BRCA2: variants seen among roughly 807,000 people sequenced by gnomAD.
BRCA2 encodes the protein breast cancer type 2 susceptibility protein.
Under a neutral mutation model 276.7 loss-of-function variants are expected in BRCA2, and 203 were observed. That is an observed-to-expected ratio of 0.73 (90% CI 0.65 to 0.82). BRCA2 has a LOEUF of 0.82. Among genes scored for constraint, BRCA2 ranks in the 40% least tolerant of loss-of-function variants. The probability of loss-of-function intolerance (pLI) is 0.00; values close to 1 mark genes in which losing one functional copy is unlikely to be tolerated. For missense variants in BRCA2, 3,920 were observed against 3,915.0 expected, an observed-to-expected ratio of 1.00 and a Z score of -0.03; for synonymous variants, 1,289 against 1,338.4, an observed-to-expected ratio of 0.96 and a Z score of 0.81.
At chr13:32,317,776 T>C (rs2138700986) in intron 2 of BRCA2, among the ~76,000 whole-genome samples, 1 of 152,376 alleles carries the variant, frequency 6.6e-6, no homozygotes, top group Middle Eastern at 3.4e-3. Context: ...ACTGTTTTCC[T>C]TGCAGCAACA....
chr13:32,370,534 A>T lies in BRCA2; in HGVS notation c.8464A>T (p.Ile2822Phe), dbSNP rs397507403. 3 of 1,613,740 alleles carry T rather than the reference A, an allele frequency of 1.9e-6. No individual in the cohort carries two copies. The highest frequency in any genetic ancestry group is 2.2e-5 in the South Asian group (2 of 91,078). The change falls in exon 19 of 27, where the codon ATT (isoleucine) becomes TTT (phenylalanine). Residue 2822 changes from isoleucine (I) to phenylalanine (F), a missense_variant. This residue lies in a region of BRCA2 where 657 missense variants were observed against 758.2 expected (regional missense o/e 0.87). Coordinates refer to ENST00000380152, the MANE Select transcript of BRCA2 (RefSeq NM_000059.4). ...AAATGTTGGTTGTGTTGATGTAATTATTCAAAGAGCATACCCTATACAGGT... is the reference window on the plus strand; with the variant it reads ...AAATGTTGGTTGTGTTGATGTAATTTTTCAAAGAGCATACCCTATACAGGT... Reference protein sequence around the residue: ...GGNVGCVDVIIQRAYPIQWME... With the variant: ...GGNVGCVDVIFQRAYPIQWME...
chr13:32,373,702 G>A (rs1345463722), intron 20 of BRCA2, among the ~76,000 whole-genome samples: 1 of 152,150 alleles, frequency 6.6e-6, no homozygotes, highest in East Asian at 1.9e-4. Flanking sequence ...CCCTGCAGCT[G>A]CTTTCATGGG....
chr13:32,346,389 C>T (rs2072611011), intron 12 of BRCA2, among the ~76,000 whole-genome samples: 1 of 151,974 alleles, frequency 6.6e-6, no homozygotes, highest in Admixed American at 6.6e-5. Context: ...AGTAGTTGAT[C>T]ATCTGGCTGT....
chr13:32,374,327 C>A (rs1566250523), intron 20 of BRCA2, among the ~76,000 whole-genome samples: 1 of 152,234 alleles, frequency 6.6e-6, no homozygotes, highest in African/African-American at 2.4e-5. Flanking sequence ...GGCTTGAATT[C>A]TTTCCCGGGA....
chr13:32,377,534 G>A (rs548651834), intron 21 of BRCA2, among the ~76,000 whole-genome samples: 9 of 148,208 alleles, frequency 6.1e-5, no homozygotes, highest in African/African-American at 2.2e-4. Context: ...AGGTTGCAGT[G>A]AGCCAAGGTC....
intron 24 of BRCA2, among the ~76,000 whole-genome samples, chr13:32,392,236 G>A (rs1231775509): frequency 2.0e-5 from 3 of 152,102 alleles, no homozygotes; most frequent in Non-Finnish European, 2.9e-5. Flanking sequence ...TATTTACAAC[G>A]GATACATAAT....
intron 13 of BRCA2, 134 bp from the exon 14 acceptor site, chr13:32,354,727 C>T: frequency 4.3e-6 from 3 of 702,378 alleles, no homozygotes; most frequent in South Asian, 1.7e-5. Context: ...TTTGGAATGG[C>T]AACCATGGTG....
Position 32,339,370 on chromosome 13 carries a change from A to G in BRCA2, c.5015A>G (p.Tyr1672Cys), listed in dbSNP as rs2072518272. 1 of 1,591,640 alleles carries G rather than the reference A, an allele frequency of 6.3e-7. No homozygotes were observed. Among genetic ancestry groups the G allele is most frequent in the East Asian group, 2.2e-5 (1 of 44,636 alleles). Residue 1672 changes from tyrosine to cysteine, a missense_variant, in exon 11 of 27, where the codon TAC becomes TGC. Tyr to Cys is a radical substitution (Grantham distance 194, BLOSUM62 -2). Transcript: ENST00000380152. ...ATTGAAAATTCAGCCTTAGCTTTTT[A>G]CACAAGTTGTAGTAGAAAAACTTCT... ...SVIENSALAF[Y>C]TSCSRKTSVS...
chr13:32,323,915 T>C (rs529102789), intron 3 of BRCA2, among the ~76,000 whole-genome samples: 1 of 152,346 alleles, frequency 6.6e-6, no homozygotes, highest in South Asian at 2.1e-4. Context: ...TTGGATTTCA[T>C]ATTGTTAAAG....
At chr13:32,385,212 C>T (rs373506142) in intron 24 of BRCA2, 5 of 191,078 alleles carry the variant, frequency 2.6e-5, no homozygotes, top group African/African-American at 4.7e-5. Context: ...ATGAAATCAC[C>T]GCCTGTCGCC....
chr13:32,362,841 G>A, intron 17 of BRCA2, 148 bp downstream of exon 17: 1 of 881,514 alleles, frequency 1.1e-6, no homozygotes, highest in Non-Finnish European at 1.8e-6. Flanking sequence ...GTCATCCCTA[G>A]CCCCCATTTA....
At chr13:32,374,858 C>A (rs1027946789) in intron 20 of BRCA2, among the ~76,000 whole-genome samples, 17 of 152,206 alleles carry the variant, frequency 1.1e-4, no homozygotes, top group Non-Finnish European at 2.1e-4. Context: ...TAGCAGTCCC[C>A]CACTCCTGGT....
At chr13:32,388,504 T>C (rs1217853980) in intron 24 of BRCA2, among the ~76,000 whole-genome samples, 1 of 152,172 alleles carries the variant, frequency 6.6e-6, no homozygotes, top group East Asian at 1.9e-4. Context: ...CAGTACAGTA[T>C]GCAATAAATT....
chr13:32,330,782 C>T (rs2072383276), intron 8 of BRCA2, 137 bp from the exon 9 acceptor site: 2 of 617,576 alleles, frequency 3.2e-6, no homozygotes, highest in Admixed American at 5.8e-5. Context: ...CTGGAATTTT[C>T]CATTAAAAAT....
intron 10 of BRCA2, among the ~76,000 whole-genome samples, chr13:32,333,725 C>T (rs1389168684): frequency 6.6e-6 from 1 of 152,094 alleles, no homozygotes; most frequent in African/African-American, 2.4e-5. Context: ...GAGTATTAAG[C>T]CCAGCATGCA....
chr13:32,380,278 T>C lies in BRCA2; in HGVS notation c.9256+133T>C, dbSNP rs188225835. ...ACTAGTGATCTGAAAGTAAGCCTCT[T>C]TGAACCTCTGATTTTTCATGAAAAG... On this transcript the variant is annotated intron_variant, in intron 24 of 26. Coordinates refer to ENST00000380152, the MANE Select transcript of BRCA2 (RefSeq NM_000059.4). The C allele has an allele frequency of 1.9e-3, 1,593 of 836,154 alleles. 1 individual carries two copies. The highest frequency in any genetic ancestry group is 2.6e-3 in the Non-Finnish European group (1,414 of 544,696). 51.8% of individuals were successfully genotyped at this position (836,154 alleles called of 1,614,324 possible). A position where few individuals can be genotyped will look rare whatever the true frequency, so the allele number is the denominator to read the frequency against.
chr13:32,385,013 T>G (rs1164666519), intron 24 of BRCA2: 1 of 365,954 alleles, frequency 2.7e-6, no homozygotes, highest in Non-Finnish European at 5.1e-6. Context: ...CAGACTTACC[T>G]GGACAAGGTA....
At chr13:32,359,624 ATTTTG>A (rs1171295767) in intron 16 of BRCA2, among the ~76,000 whole-genome samples, 2 of 152,130 alleles carry the variant, frequency 1.3e-5, no homozygotes, top group East Asian at 1.9e-4. Context: ...TTTTTCCTGA[ATTTTG>A]TTTTAACTTT....
rs1555283746 is a variant in BRCA2, at chr13:32,338,720, A to G, written c.4365A>G (p.Glu1455=). 4 of 1,597,868 alleles carry G rather than the reference A, an allele frequency of 2.5e-6. No individual in the cohort carries two copies. The East Asian group carries it at 9.0e-5, about 36-fold the overall frequency. Residue 1455 remains glutamate (E), a synonymous_variant, in exon 11 of 27, where the codon GAA becomes GAG. Coordinates refer to ENST00000380152, the MANE Select transcript of BRCA2 (RefSeq NM_000059.4). ...TAAATTTCTTTGATCAGAAACCAGA[A>G]GAATTGCATAACTTTTCCTTAAATT... The part of the protein sequence containing the change: ...KIVNFFDQKP[E]ELHNFSLNSE...
Sources: gnomAD v4.1 joint callset for allele counts (sites outside exome capture counted in the v4.1 genomes callset) on GRCh38, gnomAD v4.1.1 for gene constraint, gnomAD v4.1.1 regional missense constraint, MANE v1.5 for transcripts, NCBI Gene and HGNC (gene_info 2026-07-23, HGNC 2026-07-21) for gene names.